Variants in PRKD1 observed in about 807,000 individuals in gnomAD.
The protein encoded by PRKD1 is protein kinase D1.
PRKD1 carries 63 observed loss-of-function variants against 95.9 expected under a neutral mutation model. The observed-to-expected ratio is 0.66, with a 90% CI of 0.54 to 0.81. PRKD1 has a LOEUF of 0.81. Among genes scored for constraint, PRKD1 ranks in the 30% least tolerant of loss-of-function variants. The pLI, the probability that PRKD1 is intolerant of heterozygous loss-of-function variation, is 0.00. For synonymous variants in PRKD1, 425 were observed against 423.1 expected (o/e 1.00, Z -0.05); for missense variants, 1,048 against 1,165.3 (o/e 0.90, Z 1.47).
intron 2 of PRKD1, among the ~76,000 whole-genome samples, chr14:29,724,625 A>C (rs1287575355): frequency 1.3e-5 from 2 of 152,200 alleles, no homozygotes; most frequent in African/African-American, 4.8e-5. Context: ...AAATTGAATT[A>C]TAATCAGTGC....
At chr14:29,791,011 G>C (rs1248754387) in intron 1 of PRKD1, among the ~76,000 whole-genome samples, 1 of 152,160 alleles carries the variant, frequency 6.6e-6, no homozygotes, top group East Asian at 1.9e-4. Flanking sequence ...TCCATGGTCT[G>C]CTATTGTATT....
At chr14:29,914,966 T>C (rs138930544) in intron 1 of PRKD1, among the ~76,000 whole-genome samples, 3,581 of 151,912 alleles carry the variant, frequency 0.024, 147 homozygotes, top group African/African-American at 0.082. Context: ...CCTTGTGATC[T>C]GCCCACCTCA....
In PRKD1 at chr14:29,812,783, C is replaced by T. The variant is rs541854628; in HGVS notation, c.265-87109G>A. On this transcript the variant is annotated intron_variant, in intron 1 of 17. Transcript: ENST00000331968. ...ATGAGATTTGGGTGGGGACACAGAGCCAAACCATATCAGTTATATTTTTTG... is the reference window on the plus strand; with the variant it reads ...ATGAGATTTGGGTGGGGACACAGAGTCAAACCATATCAGTTATATTTTTTG... Among the ~76,000 whole-genome samples the T allele has an allele frequency of 3.9e-5, 6 of 152,274 alleles. No homozygotes were observed. In the South Asian group the frequency reaches 6.2e-4, roughly 16 times the overall value.
chr14:29,672,762 G>C (rs1339103012), intron 2 of PRKD1, among the ~76,000 whole-genome samples: 1 of 151,996 alleles, frequency 6.6e-6, no homozygotes. Flanking sequence ...CAGGTATATA[G>C]AACAGAATTA....
At chr14:29,828,578 T>C (rs1189171206) in intron 1 of PRKD1, among the ~76,000 whole-genome samples, 2 of 152,116 alleles carry the variant, frequency 1.3e-5, no homozygotes, top group African/African-American at 2.4e-5. Flanking sequence ...CTTGGATCTT[T>C]AGAGGAAAAA....
At position 29,721,929 on chromosome 14, in the gene PRKD1, A is replaced by G. The variant is rs370867385; in HGVS notation, c.403+3607T>C. Among the ~76,000 whole-genome samples the G allele has an allele frequency of 2.6e-5, 4 of 152,300 alleles. No individual in the cohort carries two copies. The East Asian group carries it at 5.8e-4, about 22-fold the overall frequency. ...TTTCAAAAAGAAACGGAGGGAGAAAAAAATCAGCAAATTAGCCAGAAGCAG... is the reference window on the plus strand; with the variant it reads ...TTTCAAAAAGAAACGGAGGGAGAAAGAAATCAGCAAATTAGCCAGAAGCAG... On this transcript the variant is annotated intron_variant, in intron 2 of 17. Transcript: ENST00000331968.
intron 1 of PRKD1, among the ~76,000 whole-genome samples, chr14:29,835,601 T>C (rs1891582544): frequency 1.3e-5 from 2 of 152,158 alleles, no homozygotes; most frequent in Non-Finnish European, 2.9e-5. Flanking sequence ...GACAGAGTCT[T>C]GCTCTGTCTC....
intron 1 of PRKD1, among the ~76,000 whole-genome samples, chr14:29,784,548 T>C (rs1176118870): frequency 6.6e-6 from 1 of 152,194 alleles, no homozygotes; most frequent in African/African-American, 2.4e-5. Context: ...TCCATTTGTT[T>C]CTGTCCTTTT....
chr14:29,733,819 T>A, intron 1 of PRKD1, among the ~76,000 whole-genome samples: 1 of 152,240 alleles, frequency 6.6e-6, no homozygotes, highest in African/African-American at 2.4e-5. Flanking sequence ...TAACCATATA[T>A]ACCCAGTAAA....
At chr14:29,765,229 TACAGGATTTACATAA>T (rs1888204987) in intron 1 of PRKD1, among the ~76,000 whole-genome samples, 1 of 152,118 alleles carries the variant, frequency 6.6e-6, no homozygotes, top group Non-Finnish European at 1.5e-5. Flanking sequence ...CAAAATCCTA[TACAGGATTTACATAA>T]ACACTTCACA....
chr14:29,744,487 C>T (rs1388103520), intron 1 of PRKD1, among the ~76,000 whole-genome samples: 1 of 152,160 alleles, frequency 6.6e-6, no homozygotes, highest in African/African-American at 2.4e-5. Context: ...CACAAGCCAC[C>T]TGCCCCTACT....
chr14:29,798,206 A>G (rs1273291493), intron 1 of PRKD1, among the ~76,000 whole-genome samples: 1 of 152,172 alleles, frequency 6.6e-6, no homozygotes, highest in Non-Finnish European at 1.5e-5. Context: ...ATTTGCCCCT[A>G]TATTTTTTTC....
At chr14:29,686,523 C>G (rs922742066) in intron 2 of PRKD1, among the ~76,000 whole-genome samples, 1 of 152,212 alleles carries the variant, frequency 6.6e-6, no homozygotes, top group Non-Finnish European at 1.5e-5. Flanking sequence ...GTCAGCTTTC[C>G]TTCTGGAGGT....
intron 4 of PRKD1, among the ~76,000 whole-genome samples, chr14:29,660,579 T>A (rs1882134915): frequency 6.6e-6 from 1 of 152,188 alleles, no homozygotes; most frequent in Non-Finnish European, 1.5e-5. Flanking sequence ...GTTTATCTGA[T>A]TAAAGTTTTC....
At chr14:29,742,974 A>T (rs1365190970) in intron 1 of PRKD1, among the ~76,000 whole-genome samples, 1 of 152,194 alleles carries the variant, frequency 6.6e-6, no homozygotes, top group Non-Finnish European at 1.5e-5. Context: ...GTTTCATGGG[A>T]TTGTCACAGT....
At chr14:29,636,548 T>C in intron 6 of PRKD1, 54 bp from the exon 7 acceptor site, 1 of 1,574,574 alleles carries the variant, frequency 6.4e-7, no homozygotes, top group Non-Finnish European at 8.7e-7. Flanking sequence ...GAGCCAGGGC[T>C]TAAGAGACAG....
At chr14:29,686,885 A>G (rs992806618) in intron 2 of PRKD1, among the ~76,000 whole-genome samples, 1 of 152,238 alleles carries the variant, frequency 6.6e-6, no homozygotes, top group African/African-American at 2.4e-5. Flanking sequence ...GATGCAGATC[A>G]CGGCACAGAA....
At chr14:29,785,774 T>C (rs1429599023) in intron 1 of PRKD1, among the ~76,000 whole-genome samples, 4 of 151,726 alleles carry the variant, frequency 2.6e-5, no homozygotes, top group African/African-American at 9.7e-5. Context: ...TATACGTATG[T>C]AACTAACCTT....
chr14:29,846,812 A>T (rs1220363329), intron 1 of PRKD1, among the ~76,000 whole-genome samples: 1 of 152,192 alleles, frequency 6.6e-6, no homozygotes, highest in African/African-American at 2.4e-5. Context: ...AAGGAGTCAG[A>T]GTTGGGATAC....
Sources: gnomAD v4.1 joint callset for allele counts (sites outside exome capture counted in the v4.1 genomes callset) on GRCh38, gnomAD v4.1.1 for gene constraint, MANE v1.5 for transcripts, NCBI Gene and HGNC (gene_info 2026-07-23, HGNC 2026-07-21) for gene names.